The following RBM33 variants were observed in gnomAD, a reference collection of about 807,000 sequenced individuals.
The protein encoded by RBM33 is RNA-binding protein 33.
RBM33 carries 28 observed loss-of-function variants against 132.6 expected under a neutral mutation model. The ratio of observed to expected loss-of-function variants is 0.21; its 90% CI spans 0.16 to 0.29. The LOEUF (loss-of-function observed/expected upper bound fraction) is 0.29, where lower values mean the gene tolerates loss of function less well. Among genes scored for constraint, RBM33 ranks in the 10% least tolerant of loss-of-function variants. The pLI, the probability that RBM33 is intolerant of heterozygous loss-of-function variation, is 1.00. For synonymous variants in RBM33, 634 were observed against 593.0 expected, an observed-to-expected ratio of 1.07 and a Z score of -1.01; for missense variants, 1,291 against 1,518.5, an observed-to-expected ratio of 0.85 and a Z score of 2.49.
rs1374364250 is a variant in RBM33, at chr7:155,745,090, C to G, written c.2467C>G (p.Leu823Val). 6.2e-7 allele frequency: 1 copy of G among 1,602,922 alleles called. No homozygotes were observed. The highest frequency in any genetic ancestry group is 1.1e-5 in the South Asian group (1 of 89,606). The change falls in exon 14 of 18, where the codon CTG becomes GTG. Residue 823 changes from leucine (L) to valine (V), a missense_variant. Physicochemically the swap from Leu to Val is conservative, Grantham distance 32. Around this residue, in one of 7 missense-constraint regions of RBM33, gnomAD observed 841 missense variants for 912.0 expected, o/e 0.92. Transcript: ENST00000401878. This position sits in a 1 kb window ranked among gnomAD's most constrained non-coding sequence, Gnocchi z 4.1. The part of the protein sequence containing the change: ...QQQAGARKKE[L>V]LERLAQQQQQ... ...GCAGGCTGGTGCCAGGAAGAAGGAG[C>G]TGCTGGAGAGACTCGCGCAGCAACA...
intron 14 of RBM33, among the ~76,000 whole-genome samples, chr7:155,755,490 T>G (rs988858459): frequency 6.6e-6 from 1 of 152,362 alleles, no homozygotes; most frequent in South Asian, 2.1e-4. Context: ...GGAAAATTAA[T>G]TTTTCATCAG....
At chr7:155,699,238 C>T (rs1006459369) in intron 5 of RBM33, among the ~76,000 whole-genome samples, 14 of 152,190 alleles carry the variant, frequency 9.2e-5, no homozygotes, top group African/African-American at 3.4e-4. Flanking sequence ...GGACTTGCTA[C>T]TCTACTCAGT....
At chr7:155,655,534 C>CTTTTTTTTTTT (rs756948005) in intron 1 of RBM33, among the ~76,000 whole-genome samples, 41 of 80,104 alleles carry the variant, frequency 5.1e-4, no homozygotes, top group East Asian at 8.7e-4. Flanking sequence ...GGCTGTTTGC[C>CTTTTTTTTTTT]TTTTTTTTTT....
At chr7:155,761,024 G>A (rs529148879) in intron 14 of RBM33, among the ~76,000 whole-genome samples, 2 of 152,208 alleles carry the variant, frequency 1.3e-5, no homozygotes, top group African/African-American at 4.8e-5. Context: ...CGTTAGGTGG[G>A]AGAACCCATC....
chr7:155,724,990 TTGTGTG>T (rs56739117), intron 9 of RBM33, among the ~76,000 whole-genome samples: 3,275 of 123,280 alleles, frequency 0.027, 63 homozygotes, highest in African/African-American at 0.052. Context: ...GTGTACAGGT[TTGTGTG>T]TGTGTGTGTG....
chr7:155,748,567 C>G (rs1801593558), intron 14 of RBM33, among the ~76,000 whole-genome samples: 1 of 152,162 alleles, frequency 6.6e-6, no homozygotes. Context: ...GAGTTTTCTT[C>G]TATATTTTCC....
At chr7:155,767,402 A>G (rs1563183387) in intron 16 of RBM33, among the ~76,000 whole-genome samples, 1 of 152,248 alleles carries the variant, frequency 6.6e-6, no homozygotes, top group Non-Finnish European at 1.5e-5. Context: ...GCACTTTGGA[A>G]ATAAGACATT....
intron 5 of RBM33, among the ~76,000 whole-genome samples, chr7:155,681,243 T>G (rs946358918): frequency 6.6e-5 from 10 of 152,258 alleles, no homozygotes; most frequent in African/African-American, 2.4e-4. Context: ...TTAGACAAGA[T>G]CTGATAAAGT....
At chr7:155,687,206 T>G (rs983631714) in intron 5 of RBM33, among the ~76,000 whole-genome samples, 9 of 152,248 alleles carry the variant, frequency 5.9e-5, no homozygotes, top group African/African-American at 2.2e-4. Context: ...ATTGTGGTTT[T>G]GATTTGCATT....
intron 1 of RBM33, among the ~76,000 whole-genome samples, chr7:155,662,518 C>T (rs1413613610): frequency 6.6e-6 from 1 of 151,014 alleles, no homozygotes; most frequent in Non-Finnish European, 1.5e-5. Context: ...TTCCTCACCC[C>T]GCCCCCCCCG....
chr7:155,721,451 A>T (rs1035415750), intron 9 of RBM33, among the ~76,000 whole-genome samples: 1 of 152,204 alleles, frequency 6.6e-6, no homozygotes, highest in Non-Finnish European at 1.5e-5. Context: ...TCAAGAACGT[A>T]TGTGAATTTG....
At chr7:155,682,865 C>T (rs965542611) in intron 5 of RBM33, among the ~76,000 whole-genome samples, 2 of 152,164 alleles carry the variant, frequency 1.3e-5, no homozygotes, top group African/African-American at 4.8e-5. Flanking sequence ...ACATAGGCCC[C>T]AGTTGTAATA....
At chr7:155,739,608 G>C (rs1262759185) in intron 11 of RBM33, 107 bp from the exon 12 acceptor site, 11 of 1,270,574 alleles carry the variant, frequency 8.7e-6, no homozygotes, top group South Asian at 1.6e-5. Flanking sequence ...TTTTGGTATC[G>C]CTGAAAGTTC....
chr7:155,737,480 C>T (rs769564052), intron 9 of RBM33, 50 bp from the exon 10 acceptor site: 2 of 1,512,916 alleles, frequency 1.3e-6, no homozygotes, highest in Non-Finnish European at 1.8e-6. Flanking sequence ...AATTACATAC[C>T]ATTTTTCTGT....
Position 155,711,353 on chromosome 7 carries a change from A to T in RBM33, c.1099A>T (p.Thr367Ser). The change falls in exon 8 of 18, where the codon ACC becomes TCC. Residue 367 changes from threonine to serine, a missense_variant. Physicochemically the swap from Thr to Ser is moderately conservative, Grantham distance 58. This residue lies in a region of RBM33 where 146 missense variants were observed against 137.1 expected (regional missense o/e 1.07). Coordinates refer to ENST00000401878, the MANE Select transcript of RBM33 (RefSeq NM_053043.3). ...AATGCACATGCCTCCCCAGCTAGAGACCCCAAGGATGATGATGACCCCGCC... is the reference window on the plus strand; with the variant it reads ...AATGCACATGCCTCCCCAGCTAGAGTCCCCAAGGATGATGATGACCCCGCC... ...QGMHMPPQLE[T>S]PRMMMTPPPV... The T allele has an allele frequency of 6.3e-7, 1 of 1,597,748 alleles. No individual in the cohort carries two copies. Among genetic ancestry groups the T allele is most frequent in the South Asian group, 1.1e-5 (1 of 89,122 alleles).
intron 16 of RBM33, among the ~76,000 whole-genome samples, chr7:155,773,169 C>T (rs1052126524): frequency 2.0e-5 from 3 of 152,176 alleles, no homozygotes; most frequent in African/African-American, 4.8e-5. Context: ...AGCTCAGACA[C>T]AGCAAATAGT....
At chr7:155,706,243 G>A (rs1800109220) in intron 6 of RBM33, among the ~76,000 whole-genome samples, 1 of 152,198 alleles carries the variant, frequency 6.6e-6, no homozygotes, top group Admixed American at 6.5e-5. Context: ...TGTAATCCTA[G>A]CACTTTGGGA....
In RBM33 at chr7:155,745,238, A is replaced by G; in HGVS notation, c.2615A>G (p.Asn872Ser). ...PGAQVRQNVK[N>S]RLLVKNQDVS... ...GCACAGGTCAGACAAAATGTGAAGA[A>G]CAGACTTCTTGTTAAAAACCAGGAT... The change falls in exon 14 of 18, where the codon AAC becomes AGC. Residue 872 changes from asparagine to serine, a missense_variant. Physicochemically the swap from Asn to Ser is conservative, Grantham distance 46. This residue lies in a region of RBM33 where 841 missense variants were observed against 912.0 expected (regional missense o/e 0.92). Transcript: ENST00000401878. This position sits in a 1 kb window ranked among gnomAD's most constrained non-coding sequence, Gnocchi z 4.1. The G allele has an allele frequency of 6.2e-7, 1 of 1,612,798 alleles. No homozygotes were observed. Among genetic ancestry groups the G allele is most frequent in the Non-Finnish European group, 8.5e-7 (1 of 1,179,326 alleles).
chr7:155,762,776 C>T (rs1020985498), intron 14 of RBM33, among the ~76,000 whole-genome samples: 4 of 152,204 alleles, frequency 2.6e-5, no homozygotes, highest in Admixed American at 2.6e-4. Context: ...CAGCTAAGCA[C>T]CCTGTGGGGA....
Sources: allele counts gnomAD v4.1 joint callset (sites outside exome capture counted in the v4.1 genomes callset), GRCh38; gene constraint gnomAD v4.1.1; regional missense constraint gnomAD v4.1.1; non-coding constraint Gnocchi (gnomAD v3.1); transcripts MANE v1.5; gene names NCBI Gene and HGNC (gene_info 2026-07-23, HGNC 2026-07-21).